ABL2: variants seen among roughly 807,000 people sequenced by gnomAD.
ABL2 encodes the protein ABL proto-oncogene 2, non-receptor tyrosine kinase.
A neutral mutation model predicts 107.7 loss-of-function variants in ABL2; 49 were observed. That is an observed-to-expected ratio of 0.45 (90% CI 0.36 to 0.58). The LOEUF (loss-of-function observed/expected upper bound fraction) is 0.58. Ranked by LOEUF, ABL2 falls within the 20% of genes least tolerant of loss-of-function variation. The pLI is 0.00. For missense variants in ABL2, 1,245 were observed against 1,457.0 expected (o/e 0.85, Z 2.37); for synonymous variants, 549 against 548.6 (o/e 1.00, Z -0.01).
chr1:179,208,294 GC>G (rs141516438), intron 1 of ABL2, among the ~76,000 whole-genome samples: 12 of 151,160 alleles, frequency 7.9e-5, no homozygotes, highest in South Asian at 4.2e-4. Flanking sequence ...TTCAACCCTT[GC>G]CCCCCCCATT....
At chr1:179,229,137 C>T (rs1387073617) in intron 1 of ABL2, 104 bp downstream of exon 1, 3 of 1,356,984 alleles carry the variant, frequency 2.2e-6, no homozygotes, top group Non-Finnish European at 3.0e-6. Flanking sequence ...TCTCAGGCAC[C>T]TTCCACCCTC....
Position 179,227,584 on chromosome 1 carries a change from A to C in ABL2, c.157+1657T>G, listed in dbSNP as rs75032649. On this transcript the variant is annotated intron_variant, in intron 1 of 11. Transcript: ENST00000502732. ...ACCATTGCCTACTAGGCCAAGTTTAATGCATAGTAACACTTCCCACAAAGT... is the reference window on the plus strand; with the variant it reads ...ACCATTGCCTACTAGGCCAAGTTTACTGCATAGTAACACTTCCCACAAAGT... 1.9e-3 allele frequency among the ~76,000 whole-genome samples: 293 copies of C among 152,308 alleles called. 9 individuals are homozygous for C. The East Asian group carries it at 0.05, about 26-fold the overall frequency.
chr1:179,166,776 C>CAAAAAAAAAAAAAAAAAAAAAAAAAAA (rs34173352), intron 1 of ABL2, among the ~76,000 whole-genome samples: 1 of 75,394 alleles, frequency 1.3e-5, no homozygotes, highest in Non-Finnish European at 2.4e-5. Flanking sequence ...GACTTCATCT[C>CAAAAAAAAAAAAAAAAAAAAAAAAAAA]AAAAAAAAAA....
At position 179,107,830 on chromosome 1, in the gene ABL2, C is replaced by A; in HGVS notation, c.3437G>T (p.Ser1146Ile). The change falls in exon 12 of 12, where the codon AGC becomes ATC. Residue 1146 changes from serine to isoleucine, a missense_variant. This residue lies in a region of ABL2 where 761 missense variants were observed against 766.4 expected (regional missense o/e 0.99). Coordinates refer to ENST00000502732, the MANE Select transcript of ABL2 (RefSeq NM_007314.4). ...FREAVSKLELSLQELQVSSAA... is the reference protein window; with the variant it reads ...FREAVSKLELILQELQVSSAA... ...TGAAGAAACCTGTAGCTCCTGCAGGCTGAGTTCCAGTTTGCTCACAGCCTC... is the reference window on the plus strand; with the variant it reads ...TGAAGAAACCTGTAGCTCCTGCAGGATGAGTTCCAGTTTGCTCACAGCCTC... The A allele has an allele frequency of 1.2e-6, 2 of 1,614,222 alleles. No individual in the cohort carries two copies. Among genetic ancestry groups the A allele is most frequent in the Non-Finnish European group, 1.7e-6 (2 of 1,180,036 alleles).
chr1:179,212,358 C>T (rs756137084), intron 1 of ABL2, among the ~76,000 whole-genome samples: 4 of 152,178 alleles, frequency 2.6e-5, no homozygotes, highest in Non-Finnish European at 4.4e-5. Flanking sequence ...ATTAAAGGTA[C>T]AGGGACTACA....
chr1:179,191,080 C>G (rs111756781), intron 1 of ABL2, among the ~76,000 whole-genome samples: 1 of 152,194 alleles, frequency 6.6e-6, no homozygotes, highest in Non-Finnish European at 1.5e-5. Context: ...CTCTTGAAAA[C>G]AGCGGTCCTC....
rs1022856650 is a variant in ABL2 at position 179,169,141 on chromosome 1, T to C, written c.158-35767A>G. On this transcript the variant is annotated intron_variant, in intron 1 of 11. Coordinates refer to ENST00000502732, the MANE Select transcript of ABL2 (RefSeq NM_007314.4). ...AGAGTTAGAAATGAAAATCATAAAA[T>C]AGAAATGAAATATCAGTGTAACACA... Among the ~76,000 whole-genome samples, 11 of 152,192 alleles carry C rather than the reference T, an allele frequency of 7.2e-5. No individual in the cohort carries two copies. The East Asian group carries it at 1.4e-3, about 19-fold the overall frequency.
chr1:179,136,745 AAT>A (rs1426730347), intron 1 of ABL2, among the ~76,000 whole-genome samples: 3 of 137,152 alleles, frequency 2.2e-5, no homozygotes, highest in African/African-American at 5.1e-5. Context: ...AATAAATAAA[AAT>A]AAAAATAAAA....
intron 4 of ABL2, among the ~76,000 whole-genome samples, 182 bp from the exon 5 acceptor site, chr1:179,122,049 T>C (rs2102630411): frequency 6.8e-6 from 1 of 147,742 alleles, no homozygotes; most frequent in Non-Finnish European, 1.5e-5. Context: ...CCTCAGCCTC[T>C]CTGAGTAGGT....
chr1:179,166,687 G>C (rs1197141919), intron 1 of ABL2, among the ~76,000 whole-genome samples: 3 of 147,806 alleles, frequency 2.0e-5, no homozygotes, highest in Admixed American at 1.4e-4. Flanking sequence ...TGAGGGAGGA[G>C]AATCGCTTGA....
At chr1:179,151,456 ATATT>A (rs1658359516) in intron 1 of ABL2, among the ~76,000 whole-genome samples, 1 of 152,214 alleles carries the variant, frequency 6.6e-6, no homozygotes, top group Non-Finnish European at 1.5e-5. Flanking sequence ...CCTCTATACT[ATATT>A]TAATATAATT....
intron 1 of ABL2, among the ~76,000 whole-genome samples, chr1:179,154,420 A>G (rs1054062675): frequency 1.1e-4 from 16 of 152,234 alleles, no homozygotes; most frequent in Admixed American, 6.5e-5. Flanking sequence ...TCAAGGAAAT[A>G]GAGGACTTGC....
chr1:179,177,399 C>T (rs1483357520), intron 1 of ABL2, among the ~76,000 whole-genome samples: 1 of 152,182 alleles, frequency 6.6e-6, no homozygotes, highest in Non-Finnish European at 1.5e-5. Flanking sequence ...GCATACCATC[C>T]CCCTCCAACT....
chr1:179,118,125 C>T (rs1372425673), intron 7 of ABL2, among the ~76,000 whole-genome samples: 1 of 151,574 alleles, frequency 6.6e-6, no homozygotes, highest in Non-Finnish European at 1.5e-5. Context: ...TGCATTCCAG[C>T]CTGGGCGATG....
chr1:179,117,255 A>G, intron 8 of ABL2, 77 bp downstream of exon 8: 1 of 1,421,986 alleles, frequency 7.0e-7, no homozygotes, highest in South Asian at 1.2e-5. Context: ...GAACATCGTA[A>G]GAGAAGCTCT....
intron 2 of ABL2, 108 bp downstream of exon 2, chr1:179,133,204 G>C: frequency 1.3e-6 from 2 of 1,551,308 alleles, no homozygotes; most frequent in Non-Finnish European, 1.7e-6. Flanking sequence ...TATATGAAAG[G>C]AAAAACCCTT....
chr1:179,133,304 T>A lies in ABL2; in HGVS notation c.220+8A>T, dbSNP rs1656523008. The A allele has an allele frequency of 1.9e-6, 3 of 1,614,130 alleles. No homozygotes were observed. The highest frequency in any genetic ancestry group is 2.5e-6 in the Non-Finnish European group (3 of 1,180,008). ...AGTTCAAATCTGCAACATCTCAACA[T>A]CTCTCACCTGGACTACTGCCTCCAG... On this transcript the variant is annotated splice_region_variant and intron_variant, in intron 2 of 11. Coordinates refer to ENST00000502732, the MANE Select transcript of ABL2 (RefSeq NM_007314.4).
intron 1 of ABL2, among the ~76,000 whole-genome samples, chr1:179,227,865 A>C (rs1003279410): frequency 1.3e-5 from 2 of 151,748 alleles, no homozygotes; most frequent in Admixed American, 6.6e-5. Context: ...AGCCTGGCCA[A>C]CATAGAGAAA....
chr1:179,203,909 ATCCCAGTAAT>A (rs1661812948), intron 1 of ABL2, among the ~76,000 whole-genome samples: 1 of 152,232 alleles, frequency 6.6e-6, no homozygotes, highest in Admixed American at 6.5e-5. Flanking sequence ...GTTATTTAAC[ATCCCAGTAAT>A]TCAATGTCCT....
Sources: gnomAD v4.1 joint callset for allele counts (sites outside exome capture counted in the v4.1 genomes callset) on GRCh38, gnomAD v4.1.1 for gene constraint, gnomAD v4.1.1 regional missense constraint, MANE v1.5 for transcripts, NCBI Gene and HGNC (gene_info 2026-07-23, HGNC 2026-07-21) for gene names.